UGT2A1: variants seen among roughly 807,000 people sequenced by gnomAD.
UGT2A1 encodes the protein UDP-glucuronosyltransferase 2A1.
Under a neutral mutation model 45.4 loss-of-function variants are expected in UGT2A1, and 61 were observed. The ratio of observed to expected loss-of-function variants is 1.34; its 90% CI spans 1.09 to 1.66. The LOEUF is 1.66. Ranked by LOEUF, UGT2A1 falls within the 40% of genes most tolerant of loss-of-function variation. UGT2A1 has a pLI of 0.00. For missense variants in UGT2A1, 649 were observed against 574.3 expected (o/e 1.13, Z -1.33); for synonymous variants, 229 against 196.2 (o/e 1.17, Z -1.40).
At chr4:69,601,330 C>T (rs752010771) in intron 3 of UGT2A1, among the ~76,000 whole-genome samples, 49 of 152,142 alleles carry the variant, frequency 3.2e-4, no homozygotes, top group Non-Finnish European at 2.8e-4. Context: ...CCTGCACCTG[C>T]CCTGGTGGCT....
chr4:69,599,320 A>T lies in UGT2A1; in HGVS notation c.922T>A (p.Phe308Ile). Reference protein sequence around the residue: ...WLIRTYWDFEFPRPYLPNFEF... With the variant: ...WLIRTYWDFEIPRPYLPNFEF... ...AAATTAGGTAAGTATGGACGAGGAAATTCAAAATCCCAATATGTTCGGATT... is the reference window on the plus strand; with the variant it reads ...AAATTAGGTAAGTATGGACGAGGAATTTCAAAATCCCAATATGTTCGGATT... Residue 308 changes from phenylalanine (F) to isoleucine (I), a missense_variant, in exon 4 of 7, where the codon TTT (phenylalanine) becomes ATT (isoleucine). Phe to Ile is a conservative substitution (Grantham distance 21). Coordinates refer to ENST00000286604, the MANE Select transcript of UGT2A1 (RefSeq NM_001252275.3). 6.2e-7 allele frequency: 1 copy of T among 1,613,930 alleles called. No individual in the cohort carries two copies. The highest frequency in any genetic ancestry group is 8.5e-7 in the Non-Finnish European group (1 of 1,179,946).
intron 3 of UGT2A1, among the ~76,000 whole-genome samples, chr4:69,627,542 GAGAGAA>G (rs1474436751): frequency 0.02 from 2,068 of 104,500 alleles, 33 homozygotes; most frequent in African/African-American, 0.05. Context: ...GAAAGAGAGA[GAGAGAA>G]AGAGAGAGAG....
chr4:69,600,261 C>T (rs4694219), intron 3 of UGT2A1, among the ~76,000 whole-genome samples: 80,539 of 151,926 alleles, frequency 0.53, 21,757 homozygotes, highest in East Asian at 0.59. Flanking sequence ...CAGTGGGAAA[C>T]ACATGAGAAA....
At chr4:69,618,221 T>TTG (rs112693693) in intron 3 of UGT2A1, among the ~76,000 whole-genome samples, 41,676 of 144,546 alleles carry the variant, frequency 0.29, 6,029 homozygotes, top group African/African-American at 0.3. Flanking sequence ...GTGTGTATGT[T>TTG]TGTGTGTGTG....
chr4:69,613,932 GC>G (rs1468486456), intron 3 of UGT2A1, among the ~76,000 whole-genome samples: 1 of 151,956 alleles, frequency 6.6e-6, no homozygotes, highest in African/African-American at 2.4e-5. Flanking sequence ...TAGGATATGT[GC>G]TTTCACAACT....
chr4:69,643,747 T>C (rs889891980), intron 2 of UGT2A1, among the ~76,000 whole-genome samples: 16 of 151,456 alleles, frequency 1.1e-4, no homozygotes, highest in Non-Finnish European at 2.4e-4. Context: ...ACTTAGGGAG[T>C]TGTTCTATTT....
chr4:69,645,532 C>T, intron 2 of UGT2A1, among the ~76,000 whole-genome samples: 1 of 151,676 alleles, frequency 6.6e-6, no homozygotes, highest in East Asian at 1.9e-4. Context: ...TAGGTAGTCT[C>T]ATACTGCATT....
intron 3 of UGT2A1, among the ~76,000 whole-genome samples, chr4:69,613,568 A>T (rs562243247): frequency 2.6e-5 from 4 of 152,176 alleles, no homozygotes; most frequent in African/African-American, 9.6e-5. Flanking sequence ...ATAGACACAA[A>T]CATCTTAACA....
At chr4:69,611,645 T>C (rs888294083) in intron 3 of UGT2A1, among the ~76,000 whole-genome samples, 1 of 152,114 alleles carries the variant, frequency 6.6e-6, no homozygotes, top group Non-Finnish European at 1.5e-5. Flanking sequence ...TTTAAAACTA[T>C]GGGATTATTT....
In UGT2A1 at chr4:69,594,481, G is replaced by T. The variant is rs181872950; in HGVS notation, c.1300C>A (p.Pro434Thr). 16 of 1,614,056 alleles carry T rather than the reference G, an allele frequency of 9.9e-6. No individual in the cohort carries two copies. The highest frequency in any genetic ancestry group is 3.3e-4 in the Middle Eastern group (2 of 6,060). Residue 434 changes from proline (P) to threonine (T), a missense_variant, in exon 6 of 7, where the codon CCT becomes ACT. Physicochemically the swap from Pro to Thr is conservative, Grantham distance 38 (BLOSUM62 -1). Transcript: ENST00000286604. ...TTTAGGAGCCTTAGTACTTACGAAGGTTCATTAATGACTGTTCTCAAAGCG... is the reference window on the plus strand; with the variant it reads ...TTTAGGAGCCTTAGTACTTACGAAGTTTCATTAATGACTGTTCTCAAAGCG... ...LSALRTVINE[P>T]SYKENAMRLS...
rs1250516657 is a variant in UGT2A1 at position 69,648,455 on chromosome 4, A to T, written c.-54-757T>A. The stretch of plus-strand genomic sequence containing the variant: ...GCTGTTCAAAAACTATCTAGCCTGC[A>T]TGAAAAACAGCTACTTGACATCTAG... On this transcript the variant is annotated intron_variant, in intron 1 of 6. Coordinates refer to ENST00000286604, the MANE Select transcript of UGT2A1 (RefSeq NM_001252275.3). Among the ~76,000 whole-genome samples the T allele has an allele frequency of 2.0e-5, 3 of 152,078 alleles. No homozygotes were observed. The East Asian group carries it at 5.8e-4, about 29-fold the overall frequency.
intron 6 of UGT2A1, 101 bp downstream of exon 6, chr4:69,594,376 T>C (rs1718780433): frequency 1.4e-6 from 2 of 1,438,592 alleles, no homozygotes; most frequent in African/African-American, 2.9e-5. Context: ...TTATGGTTGT[T>C]ATTGGAAAAT....
intron 4 of UGT2A1, among the ~76,000 whole-genome samples, chr4:69,597,678 T>C (rs1719013100): frequency 6.6e-6 from 1 of 152,054 alleles, no homozygotes; most frequent in Non-Finnish European, 1.5e-5. Context: ...TTTGCCATTT[T>C]GATTTATTTT....
chr4:69,589,397 A>C lies in UGT2A1; in HGVS notation c.1559T>G (p.Ile520Arg). 6.2e-7 allele frequency: 1 copy of C among 1,612,928 alleles called. No individual in the cohort carries two copies. The part of the protein sequence containing the change: ...CLFSCQKFGK[I>R]GKKKKRE Reference sequence around the variant, plus strand: ...CTATTCTCTTTTTTTCTTCTTTCCTATCTTACCAAATTTTTGACAGGAAAA... The same window carrying C: ...CTATTCTCTTTTTTTCTTCTTTCCTCTCTTACCAAATTTTTGACAGGAAAA... The change falls in exon 7 of 7, where the codon ATA (isoleucine) becomes AGA (arginine). Residue 520 changes from isoleucine to arginine, a missense_variant. Transcript: ENST00000286604.
intron 4 of UGT2A1, 87 bp from the exon 5 acceptor site, chr4:69,595,336 A>AG: frequency 6.7e-7 from 1 of 1,484,082 alleles, no homozygotes; most frequent in Non-Finnish European, 9.3e-7. Context: ...TCATTTAGCC[A>AG]GCTACTTGGA....
chr4:69,603,829 C>A (rs896884513), intron 3 of UGT2A1, among the ~76,000 whole-genome samples: 1 of 135,860 alleles, frequency 7.4e-6, no homozygotes, highest in African/African-American at 3.0e-5. Flanking sequence ...GATGGAAGAT[C>A]AAATGAATGA....
At chr4:69,634,952 G>T (rs1189887571) in intron 3 of UGT2A1, among the ~76,000 whole-genome samples, 4 of 152,104 alleles carry the variant, frequency 2.6e-5, no homozygotes, top group East Asian at 1.9e-4. Flanking sequence ...CTGGGATAAG[G>T]TAACATTAGT....
Position 69,599,451 on chromosome 4 carries a change from GA to G in UGT2A1, c.848-58del, listed in dbSNP as rs1014011615. 8.9e-5 allele frequency: 140 copies of G among 1,572,402 alleles called. No homozygotes were observed. The African/African-American group carries it at 1.4e-3, about 16-fold the overall frequency. On this transcript the variant is annotated intron_variant, in intron 3 of 6. Coordinates refer to ENST00000286604, the MANE Select transcript of UGT2A1 (RefSeq NM_001252275.3). ...AATTAGCTTATATGTTTGCTGAGGA[GA>G]AAAAAAAGCTACCAGTAATTTCCTG... is the stretch of plus-strand genomic sequence containing the variant.
chr4:69,620,602 C>T lies in UGT2A1; in HGVS notation c.847+15089G>A, dbSNP rs1282429870. The stretch of plus-strand genomic sequence containing the variant: ...GCTATTCATATTAAACTATTAATAC[C>T]ATTCTTCACAGAATTAGAAATAAAA... On this transcript the variant is annotated intron_variant, in intron 3 of 6. Coordinates refer to ENST00000286604, the MANE Select transcript of UGT2A1 (RefSeq NM_001252275.3). 1.2e-4 allele frequency among the ~76,000 whole-genome samples: 18 copies of T among 150,580 alleles called. 1 individual carries two copies. Among genetic ancestry groups the T allele is most frequent in the Admixed American group, 1.2e-3 (18 of 15,084 alleles).
Sources: gnomAD v4.1 joint callset for allele counts (sites outside exome capture counted in the v4.1 genomes callset) on GRCh38, gnomAD v4.1.1 for gene constraint, MANE v1.5 for transcripts, NCBI Gene and HGNC (gene_info 2026-07-23, HGNC 2026-07-21) for gene names.